Variants in OTOGL observed in about 807,000 individuals in gnomAD.
OTOGL encodes otogelin like.
A neutral mutation model predicts 318.5 loss-of-function variants in OTOGL; 285 were observed. That is an observed-to-expected ratio of 0.89 (90% CI 0.81 to 0.99). The LOEUF is 0.99. Among genes scored for constraint, OTOGL ranks in the 50% least tolerant of loss-of-function variants. OTOGL has a pLI of 0.00. For synonymous variants in OTOGL, 987 were observed against 936.5 expected (o/e 1.05, Z -0.99); for missense variants, 2,899 against 2,845.6 (o/e 1.02, Z -0.43).
intron 1 of OTOGL, among the ~76,000 whole-genome samples, chr12:80,128,480 G>A (rs902969524): frequency 1.3e-5 from 2 of 152,146 alleles, no homozygotes; most frequent in Non-Finnish European, 1.5e-5. Flanking sequence ...TAGGGTACTC[G>A]GGGGTCAGGG....
At chr12:80,101,465 G>A (rs1869133940) in intron 1 of OTOGL, among the ~76,000 whole-genome samples, 1 of 152,184 alleles carries the variant, frequency 6.6e-6, no homozygotes, top group South Asian at 2.1e-4. Flanking sequence ...GGAAGGTTGA[G>A]TGGAGACTGT....
At chr12:80,270,208 C>G in intron 23 of OTOGL, 54 bp downstream of exon 23, 1 of 1,415,164 alleles carries the variant, frequency 7.1e-7, no homozygotes, top group Non-Finnish European at 9.9e-7. Flanking sequence ...GATACCACCT[C>G]CACTCCTGGC....
At chr12:80,257,451 A>G (rs1882155115) in intron 17 of OTOGL, among the ~76,000 whole-genome samples, 1 of 152,062 alleles carries the variant, frequency 6.6e-6, no homozygotes, top group Admixed American at 6.6e-5. Flanking sequence ...GGCAGTGATG[A>G]TAGAGATGGA....
chr12:80,316,177 A>C (rs1209371464), intron 32 of OTOGL, among the ~76,000 whole-genome samples: 1 of 152,198 alleles, frequency 6.6e-6, no homozygotes, highest in Non-Finnish European at 1.5e-5. Context: ...GCCAGTGAGC[A>C]TGACCTCCAT....
chr12:80,360,127 C>T lies in OTOGL; in HGVS notation c.6267+1227C>T, dbSNP rs115261034. On this transcript the variant is annotated intron_variant, in intron 52 of 58. Coordinates refer to ENST00000547103, the MANE Select transcript of OTOGL (RefSeq NM_001378609.3). ...GAGACTGCCTTGTTTCTACCTTTCT[C>T]TAGCTGTGGCTCACTTAGGCAGTAA... Among the ~76,000 whole-genome samples, 1,125 of 152,310 alleles carry T rather than the reference C, an allele frequency of 7.4e-3. 15 individuals carry two copies. The highest frequency in any genetic ancestry group is 0.026 in the African/African-American group (1,086 of 41,572).
Position 80,352,361 on chromosome 12 carries a change from G to A in OTOGL, c.5332G>A (p.Asp1778Asn), listed in dbSNP as rs1388295401. 3.1e-6 allele frequency: 5 copies of A among 1,612,440 alleles called. No homozygotes were observed. Among genetic ancestry groups the A allele is most frequent in the Non-Finnish European group, 3.4e-6 (4 of 1,178,922 alleles). Residue 1778 changes from aspartate to asparagine, a missense_variant, in exon 45 of 59, where the codon GAT becomes AAT. Asp to Asn is a conservative substitution (Grantham distance 23, BLOSUM62 1). Around this residue, in one of 3 missense-constraint regions of OTOGL, gnomAD observed 2,607 missense variants for 2,524.9 expected, o/e 1.03. Transcript: ENST00000547103. ...TACCTATTTTTGGAACTATGAATGT[G>A]ATGCACTTTCTGCATATGTGGCTCT... ...NYTYFWNYEC[D>N]ALSAYVALCN...
chr12:80,320,493 C>T lies in OTOGL; in HGVS notation c.3874C>T (p.Leu1292Phe), dbSNP rs1887255368. The T allele has an allele frequency of 1.9e-6, 3 of 1,613,502 alleles. No homozygotes were observed. The highest frequency in any genetic ancestry group is 1.6e-4 in the Middle Eastern group (1 of 6,082). ...YFLYVHDNDTLSLELWEANSA... is the reference protein window; with the variant it reads ...YFLYVHDNDTFSLELWEANSA... ...TCTCTATGTCCATGACAATGATACT[C>T]TTAGCTTGGAGCTGTGGGAGGCGAA... The change falls in exon 34 of 59, where the codon CTT becomes TTT. Residue 1292 changes from leucine (L) to phenylalanine (F), a missense_variant. Around this residue, in one of 3 missense-constraint regions of OTOGL, gnomAD observed 2,607 missense variants for 2,524.9 expected, o/e 1.03. Transcript: ENST00000547103.
At chr12:80,195,502 A>C (rs1363416812) in intron 1 of OTOGL, among the ~76,000 whole-genome samples, 1 of 152,258 alleles carries the variant, frequency 6.6e-6, no homozygotes, top group African/African-American at 2.4e-5. Flanking sequence ...GAAGGCAGAC[A>C]AGGAGTTAAA....
intron 33 of OTOGL, 90 bp from the exon 34 acceptor site, chr12:80,320,332 C>A: frequency 7.8e-7 from 1 of 1,287,460 alleles, no homozygotes; most frequent in Non-Finnish European, 1.1e-6. Context: ...TTGTGCAGTA[C>A]TATTTTGTTT....
At chr12:80,237,334 G>T (rs972318588) in intron 9 of OTOGL, among the ~76,000 whole-genome samples, 2 of 152,106 alleles carry the variant, frequency 1.3e-5, no homozygotes, top group Admixed American at 1.3e-4. Flanking sequence ...ATTTTTGTGA[G>T]CAATAGCAGC....
At chr12:80,105,511 A>G (rs760116646) in intron 1 of OTOGL, among the ~76,000 whole-genome samples, 2 of 152,210 alleles carry the variant, frequency 1.3e-5, no homozygotes, top group Non-Finnish European at 2.9e-5. Flanking sequence ...TTATCTTTGT[A>G]CCATATATTA....
chr12:80,244,477 A>G (rs555716953), intron 11 of OTOGL, among the ~76,000 whole-genome samples: 2 of 150,194 alleles, frequency 1.3e-5, no homozygotes, highest in African/African-American at 2.5e-5. Flanking sequence ...AATTTCATCC[A>G]TGTCCCTACA....
chr12:80,107,754 G>A (rs1420877064), intron 1 of OTOGL, among the ~76,000 whole-genome samples: 1 of 152,024 alleles, frequency 6.6e-6, no homozygotes, highest in Admixed American at 6.6e-5. Flanking sequence ...ATACACCATG[G>A]AATACTACAT....
intron 1 of OTOGL, among the ~76,000 whole-genome samples, chr12:80,200,098 T>A (rs1876355045): frequency 6.6e-6 from 1 of 152,184 alleles, no homozygotes; most frequent in Admixed American, 6.5e-5. Context: ...TTAATCTAGG[T>A]CAAATACTGC....
chr12:80,185,271 T>C (rs1875205650), intron 1 of OTOGL, among the ~76,000 whole-genome samples: 2 of 152,154 alleles, frequency 1.3e-5, no homozygotes, highest in African/African-American at 2.4e-5. Flanking sequence ...TAATGTAAGT[T>C]CTGCTATATT....
At position 80,302,644 on chromosome 12, in the gene OTOGL, GT is replaced by G; in HGVS notation, c.3081del (p.Leu1028TrpfsTer16). 5.8e-6 allele frequency: 8 copies of G among 1,367,806 alleles called. No individual in the cohort carries two copies. The highest frequency in any genetic ancestry group is 3.2e-5 in the Admixed American group (1 of 30,802). 84.7% of individuals were successfully genotyped at this position (1,367,806 alleles called of 1,614,324 possible). On this transcript the variant is annotated frameshift_variant, in exon 28 of 59. Coordinates refer to ENST00000547103, the MANE Select transcript of OTOGL (RefSeq NM_001378609.3). LOFTEE classifies it high-confidence loss of function. Reference sequence around the variant, plus strand: ...TTTTTTGTTTTTAAGAAACAATCAGGTTTTTTTCTGGAAAACAAATCTACCT... The same window carrying G: ...TTTTTTGTTTTTAAGAAACAATCAGGTTTTTTCTGGAAAACAAATCTACCT... The part of the protein sequence containing the change: ...NDTPYKQKQS[G>X]FFLENKSTYQ...
chr12:80,226,177 A>AACACACAC (rs35975748), intron 7 of OTOGL, among the ~76,000 whole-genome samples: 4,157 of 132,888 alleles, frequency 0.031, 108 homozygotes, highest in Middle Eastern at 0.061. Context: ...TCCTGCTCCT[A>AACACACAC]ACACACACAC....
At chr12:80,121,031 G>A (rs1870458348) in intron 1 of OTOGL, among the ~76,000 whole-genome samples, 1 of 152,112 alleles carries the variant, frequency 6.6e-6, no homozygotes. Flanking sequence ...GAGGGACAAA[G>A]GCCGAGCTCC....
intron 40 of OTOGL, 111 bp downstream of exon 40, chr12:80,336,666 G>T: frequency 7.0e-7 from 1 of 1,424,322 alleles, no homozygotes. Flanking sequence ...CACTGAGATC[G>T]GTCTTCTGAT....
Sources: allele counts gnomAD v4.1 joint callset (sites outside exome capture counted in the v4.1 genomes callset), GRCh38; gene constraint gnomAD v4.1.1; regional missense constraint gnomAD v4.1.1; transcripts MANE v1.5; gene names NCBI Gene and HGNC (gene_info 2026-07-23, HGNC 2026-07-21).